CADPS2: variants seen among roughly 807,000 people sequenced by gnomAD.
CADPS2 encodes calcium-dependent secretion activator 2.
Under a neutral mutation model 172.5 loss-of-function variants are expected in CADPS2, and 93 were observed. That is an observed-to-expected ratio of 0.54 (90% CI 0.46 to 0.64). The LOEUF is 0.64. Ranked by LOEUF, CADPS2 falls within the 30% of genes least tolerant of loss-of-function variation. The pLI is 0.00. For missense variants in CADPS2, 1,420 were observed against 1,565.9 expected (o/e 0.91, Z 1.57); for synonymous variants, 546 against 555.2 (o/e 0.98, Z 0.23).
intron 17 of CADPS2, among the ~76,000 whole-genome samples, chr7:122,430,066 G>A (rs1204416156): frequency 6.6e-6 from 1 of 152,136 alleles, no homozygotes; most frequent in East Asian, 1.9e-4. Flanking sequence ...ACAGTAGGCA[G>A]TCTGGGCCTC....
intron 7 of CADPS2, among the ~76,000 whole-genome samples, chr7:122,567,145 TCTTA>T (rs543978035): frequency 4.3e-3 from 649 of 152,246 alleles, no homozygotes; most frequent in Non-Finnish European, 5.6e-3. Flanking sequence ...TAGTTTTGTT[TCTTA>T]ATTAATTATA....
chr7:122,508,848 T>C (rs572493425), intron 9 of CADPS2, among the ~76,000 whole-genome samples: 186 of 152,268 alleles, frequency 1.2e-3, no homozygotes, highest in Non-Finnish European at 2.2e-3. Flanking sequence ...TTGCAAAGGA[T>C]AGTAGAATAA....
chr7:122,499,437 T>A (rs2059017663), intron 9 of CADPS2, among the ~76,000 whole-genome samples: 1 of 147,470 alleles, frequency 6.8e-6, no homozygotes, highest in African/African-American at 2.4e-5. Context: ...CTAAAGTTTT[T>A]CTTTTTTTTC....
chr7:122,563,489 A>G (rs988632711), intron 7 of CADPS2, among the ~76,000 whole-genome samples: 2 of 152,184 alleles, frequency 1.3e-5, no homozygotes, highest in African/African-American at 2.4e-5. Context: ...AGTTAAATAA[A>G]TATCTAGAGG....
intron 2 of CADPS2, among the ~76,000 whole-genome samples, chr7:122,675,991 AC>A (rs757412444): frequency 7.2e-5 from 11 of 152,244 alleles, no homozygotes; most frequent in African/African-American, 2.4e-4. Flanking sequence ...AGTAAAAAAA[AC>A]AACAACAAAA....
intron 2 of CADPS2, among the ~76,000 whole-genome samples, chr7:122,694,460 G>A (rs2084808105): frequency 6.6e-6 from 1 of 152,176 alleles, no homozygotes; most frequent in Admixed American, 6.5e-5. Context: ...CATCAACAGT[G>A]ATGAAAAATA....
At chr7:122,592,634 A>C (rs1173854121) in intron 6 of CADPS2, among the ~76,000 whole-genome samples, 4 of 152,156 alleles carry the variant, frequency 2.6e-5, no homozygotes, top group African/African-American at 9.7e-5. Flanking sequence ...GTGGCAATAT[A>C]CACCATGGAA....
intron 8 of CADPS2, among the ~76,000 whole-genome samples, chr7:122,549,555 A>G (rs777219874): frequency 1.1e-4 from 17 of 151,918 alleles, no homozygotes; most frequent in Admixed American, 2.0e-4. Context: ...TAGGAGGTGG[A>G]GGTTGCAGTG....
intron 25 of CADPS2, among the ~76,000 whole-genome samples, chr7:122,363,956 A>C (rs2040514105): frequency 2.0e-5 from 3 of 152,116 alleles, no homozygotes; most frequent in Non-Finnish European, 4.4e-5. Flanking sequence ...TAAGTCAGAA[A>C]ACCACTGGGA....
At chr7:122,395,501 G>T (rs1431482848) in intron 20 of CADPS2, 1 of 152,142 alleles carries the variant, frequency 6.6e-6, no homozygotes, top group Non-Finnish European at 1.5e-5. Context: ...TATTCCTGGA[G>T]ATTCAATCAT....
intron 4 of CADPS2, among the ~76,000 whole-genome samples, chr7:122,624,376 G>A (rs1183932431): frequency 6.6e-6 from 1 of 152,060 alleles, no homozygotes; most frequent in Non-Finnish European, 1.5e-5. Context: ...TCTTTAAAAA[G>A]TTTTTCTCAT....
chr7:122,333,334 A>G (rs79609502), intron 28 of CADPS2, among the ~76,000 whole-genome samples: 36 of 152,324 alleles, frequency 2.4e-4, no homozygotes, highest in Admixed American at 2.4e-3. Flanking sequence ...AGCTGTTAGC[A>G]TGTCTTTCTG....
chr7:122,723,621 G>A (rs1361680209), intron 2 of CADPS2, among the ~76,000 whole-genome samples: 5 of 152,104 alleles, frequency 3.3e-5, no homozygotes, highest in East Asian at 1.9e-4. Flanking sequence ...ACAGTGTGGC[G>A]ATTCCTCAAG....
chr7:122,585,264 A>C (rs2069476571), intron 6 of CADPS2, among the ~76,000 whole-genome samples: 2 of 151,906 alleles, frequency 1.3e-5, no homozygotes, highest in African/African-American at 4.8e-5. Flanking sequence ...TCATTTCTTT[A>C]TAAGAAACAA....
chr7:122,435,321 G>T (rs1355678118), intron 17 of CADPS2, among the ~76,000 whole-genome samples: 2 of 151,890 alleles, frequency 1.3e-5, no homozygotes, highest in Admixed American at 1.3e-4. Flanking sequence ...AACCCAAATA[G>T]CCCAACTTAA....
intron 1 of CADPS2, among the ~76,000 whole-genome samples, chr7:122,881,815 A>C (rs1039373787): frequency 6.6e-6 from 1 of 152,146 alleles, no homozygotes; most frequent in Admixed American, 6.5e-5. Flanking sequence ...TCTTTAGGGG[A>C]ATAAGGTGAG....
chr7:122,595,897 G>C (rs2071698024), intron 6 of CADPS2, among the ~76,000 whole-genome samples: 1 of 151,994 alleles, frequency 6.6e-6, no homozygotes, highest in Non-Finnish European at 1.5e-5. Context: ...ATGATGCATA[G>C]AGCAGAGGCA....
chr7:122,503,733 C>A (rs1163531760), intron 9 of CADPS2, among the ~76,000 whole-genome samples: 1 of 152,086 alleles, frequency 6.6e-6, no homozygotes, highest in Non-Finnish European at 1.5e-5. Flanking sequence ...TTCATCCGTG[C>A]ACTTATTCAT....
chr7:122,410,269 G>A (rs954727692), intron 19 of CADPS2, among the ~76,000 whole-genome samples: 5 of 151,954 alleles, frequency 3.3e-5, no homozygotes, highest in Middle Eastern at 3.2e-3. Flanking sequence ...GCTTGAACCC[G>A]GGAGGTGAAG....
Sources: gnomAD v4.1 joint callset for allele counts (sites outside exome capture counted in the v4.1 genomes callset) on GRCh38, gnomAD v4.1.1 for gene constraint, MANE v1.5 for transcripts, NCBI Gene and HGNC (gene_info 2026-07-23, HGNC 2026-07-21) for gene names.